NPAS3: variants seen among roughly 807,000 people sequenced by gnomAD.
The protein encoded by NPAS3 is neuronal PAS domain protein 3.
In NPAS3, 14 loss-of-function variants were observed where a neutral mutation model predicts 73.1. The observed-to-expected ratio is 0.19, with a 90% CI of 0.13 to 0.30. The LOEUF (loss-of-function observed/expected upper bound fraction) is 0.30. NPAS3 is among the 10% of genes least tolerant of loss of function. The probability of loss-of-function intolerance (pLI) is 1.00; values close to 1 mark genes in which losing one functional copy is unlikely to be tolerated. For synonymous variants in NPAS3, 620 were observed against 541.5 expected (o/e 1.14, Z -2.01); for missense variants, 1,096 against 1,250.0 (o/e 0.88, Z 1.86).
intron 6 of NPAS3, among the ~76,000 whole-genome samples, chr14:33,730,149 C>G (rs562818249): frequency 1.3e-4 from 20 of 152,238 alleles, no homozygotes; most frequent in African/African-American, 4.3e-4. Context: ...AAGTGCTATA[C>G]AGCATCAAAG....
intron 5 of NPAS3, among the ~76,000 whole-genome samples, chr14:33,582,387 T>G (rs556988216): frequency 6.6e-6 from 1 of 152,344 alleles, no homozygotes; most frequent in South Asian, 2.1e-4. Flanking sequence ...CCCAGGAGGC[T>G]GATTTGTAGA....
intron 5 of NPAS3, among the ~76,000 whole-genome samples, chr14:33,580,136 T>C (rs1427484683): frequency 6.6e-6 from 1 of 152,188 alleles, no homozygotes; most frequent in Non-Finnish European, 1.5e-5. Flanking sequence ...TTTTAATATA[T>C]TTAAAATATT....
intron 4 of NPAS3, among the ~76,000 whole-genome samples, chr14:33,379,652 G>T (rs1422941538): frequency 6.6e-6 from 1 of 152,062 alleles, no homozygotes; most frequent in East Asian, 1.9e-4. Flanking sequence ...CTAGAACTTT[G>T]CAAGCCTTTT....
intron 3 of NPAS3, among the ~76,000 whole-genome samples, chr14:33,236,557 G>A (rs2048041081): frequency 6.6e-6 from 1 of 152,046 alleles, no homozygotes; most frequent in Non-Finnish European, 1.5e-5. Context: ...TCGAATATCA[G>A]GTGCAGTGTG....
At chr14:33,180,088 T>G (rs8004665) in intron 2 of NPAS3, among the ~76,000 whole-genome samples, 20,184 of 152,224 alleles carry the variant, frequency 0.13, 1,568 homozygotes, top group East Asian at 0.31. Context: ...AATAGCTGCA[T>G]ATCCCTATTT....
chr14:33,159,013 A>G (rs1357703167), intron 2 of NPAS3, among the ~76,000 whole-genome samples: 9 of 152,064 alleles, frequency 5.9e-5, no homozygotes, highest in Non-Finnish European at 1.2e-4. Flanking sequence ...AAATACAAAA[A>G]TTACCTGGGC....
chr14:33,774,550 A>C lies in NPAS3; in HGVS notation c.1046+20A>C. ...AAATAGGTACTTTGTTTTTGTTTTC[A>C]TTTGCCCTGTTGCACGTTGCACATT... On this transcript the variant is annotated intron_variant, in intron 8 of 11. Coordinates refer to ENST00000356141, the Ensembl canonical transcript of NPAS3. 6.2e-7 allele frequency: 1 copy of C among 1,602,720 alleles called. No homozygotes were observed. Among genetic ancestry groups the C allele is most frequent in the East Asian group, 2.2e-5 (1 of 44,782 alleles).
In NPAS3 at chr14:33,181,408, G is replaced by T. The variant is rs1434056122; in HGVS notation, c.141-33774G>T. On this transcript the variant is annotated intron_variant, in intron 2 of 11. Transcript: ENST00000356141. The stretch of plus-strand genomic sequence containing the variant: ...GTATGGGTTCAAATATGAAGAACAG[G>T]CATAAAACTGGGAAAGGGACTGTCT... Among the ~76,000 whole-genome samples, 5 of 152,138 alleles carry T rather than the reference G, an allele frequency of 3.3e-5. No individual in the cohort carries two copies. In the South Asian group the frequency reaches 6.2e-4, roughly 19 times the overall value.
chr14:33,520,908 T>C (rs2053526904), intron 4 of NPAS3, among the ~76,000 whole-genome samples: 1 of 152,258 alleles, frequency 6.6e-6, no homozygotes, highest in Non-Finnish European at 1.5e-5. Flanking sequence ...CATTTACCCT[T>C]GACAAAACAA....
At chr14:33,092,773 C>A (rs1017779658) in intron 2 of NPAS3, among the ~76,000 whole-genome samples, 8 of 152,070 alleles carry the variant, frequency 5.3e-5, no homozygotes, top group African/African-American at 1.9e-4. Flanking sequence ...AAACAGAGAT[C>A]TAGACCAATG....
intron 9 of NPAS3, among the ~76,000 whole-genome samples, chr14:33,785,907 A>G (rs927213028): frequency 3.5e-4 from 53 of 152,326 alleles, no homozygotes; most frequent in African/African-American, 1.3e-3. Context: ...AGTTCCTCAT[A>G]GGGCAATGTC....
rs1217731884 is a variant in NPAS3, at chr14:33,691,985, C to G, written c.733+15600C>G. ...AGATTTTATTTGGAGTGGGGGTGCT[C>G]TTGTGATTTGGTAGCAATTCAATTA... On this transcript the variant is annotated intron_variant, in intron 6 of 11. Transcript: ENST00000356141. Among the ~76,000 whole-genome samples the G allele has an allele frequency of 4.6e-5, 7 of 152,146 alleles. No homozygotes were observed. In the East Asian group the frequency reaches 1.3e-3, roughly 29 times the overall value.
intron 1 of NPAS3, among the ~76,000 whole-genome samples, chr14:33,036,808 G>T (rs2040185198): frequency 6.6e-6 from 1 of 152,158 alleles, no homozygotes; most frequent in Non-Finnish European, 1.5e-5. Flanking sequence ...TCAGGTACCT[G>T]AGTTGAACAA....
At chr14:33,088,324 G>A (rs4528480) in intron 2 of NPAS3, among the ~76,000 whole-genome samples, 50,978 of 152,034 alleles carry the variant, frequency 0.34, 8,815 homozygotes, top group African/African-American at 0.44. Context: ...CTGGAAAATC[G>A]GGTCACTCCC....
At chr14:33,775,795 T>C (rs2062795204) in intron 8 of NPAS3, among the ~76,000 whole-genome samples, 1 of 152,222 alleles carries the variant, frequency 6.6e-6, no homozygotes, top group South Asian at 2.1e-4. Flanking sequence ...CCAGGAAACA[T>C]GCGTTAGCCA....
chr14:33,673,629 T>C (rs2059673073), intron 5 of NPAS3, among the ~76,000 whole-genome samples: 1 of 152,212 alleles, frequency 6.6e-6, no homozygotes. Context: ...TTTTCAAAAT[T>C]AGGCTGAGAG....
intron 5 of NPAS3, among the ~76,000 whole-genome samples, chr14:33,669,105 C>T (rs2059538119): frequency 6.6e-6 from 1 of 151,382 alleles, no homozygotes; most frequent in Admixed American, 6.6e-5. Flanking sequence ...TCCTTACCAC[C>T]AAGGTAATGA....
intron 6 of NPAS3, among the ~76,000 whole-genome samples, chr14:33,710,726 G>A (rs1440634821): frequency 6.6e-6 from 1 of 152,170 alleles, no homozygotes; most frequent in Non-Finnish European, 1.5e-5. Context: ...GTGTCCCTAG[G>A]ACATTCTGAG....
At chr14:33,793,747 G>A (rs2063432095) in intron 9 of NPAS3, 150 bp from the exon 10 acceptor site, 2 of 576,486 alleles carry the variant, frequency 3.5e-6, no homozygotes, top group South Asian at 6.6e-5. Context: ...TCCTACTAAT[G>A]GCATTCTATA....
Sources: allele counts gnomAD v4.1 joint callset (sites outside exome capture counted in the v4.1 genomes callset), GRCh38; gene constraint gnomAD v4.1.1; transcripts MANE v1.5; gene names NCBI Gene and HGNC (gene_info 2026-07-23, HGNC 2026-07-21).